PLCH1: variants seen among roughly 807,000 people sequenced by gnomAD.
PLCH1 encodes the protein 1-phosphatidylinositol 4,5-bisphosphate phosphodiesterase eta-1.
In PLCH1, 60 loss-of-function variants were observed where a neutral mutation model predicts 126.7. The observed-to-expected ratio is 0.47, with a 90% CI of 0.38 to 0.59. PLCH1 has a LOEUF of 0.59. Among genes scored for constraint, PLCH1 ranks in the 20% least tolerant of loss-of-function variants. The pLI is 0.00. For missense variants in PLCH1, 1,723 were observed against 2,040.0 expected, an observed-to-expected ratio of 0.84 and a Z score of 2.99; for synonymous variants, 719 against 734.9, an observed-to-expected ratio of 0.98 and a Z score of 0.35.
At chr3:155,564,157 T>C (rs1439730044) in intron 8 of PLCH1, among the ~76,000 whole-genome samples, 1 of 152,340 alleles carries the variant, frequency 6.6e-6, no homozygotes, top group African/African-American at 2.4e-5. Context: ...TACTAGACTG[T>C]GAACTCCCTG....
rs1577315669 is a variant in PLCH1, at chr3:155,683,935, G to A, written c.79+20211C>T. On this transcript the variant is annotated intron_variant, in intron 2 of 22. Transcript: ENST00000460012. ...TGGAAATGTCCAGAATAAATCCTAA[G>A]TGCTTGTATTCTCCAGCACTCCAGC... 2.6e-5 allele frequency among the ~76,000 whole-genome samples: 4 copies of A among 152,168 alleles called. No individual in the cohort carries two copies. In the South Asian group the frequency reaches 8.3e-4, roughly 32 times the overall value.
intron 2 of PLCH1, among the ~76,000 whole-genome samples, chr3:155,622,473 G>A (rs13085986): frequency 0.49 from 73,837 of 151,938 alleles, 20,327 homozygotes; most frequent in African/African-American, 0.74. Context: ...TGGCAAATTG[G>A]ATACTGAGTC....
intron 2 of PLCH1, among the ~76,000 whole-genome samples, chr3:155,642,115 T>C (rs1739466527): frequency 6.6e-6 from 1 of 152,168 alleles, no homozygotes; most frequent in South Asian, 2.1e-4. Flanking sequence ...TTTAATAATC[T>C]AAACAACCCT....
intron 22 of PLCH1, among the ~76,000 whole-genome samples, chr3:155,484,915 A>G (rs1714796841): frequency 6.6e-6 from 1 of 152,214 alleles, no homozygotes; most frequent in Non-Finnish European, 1.5e-5. Context: ...TTTTTGAAAA[A>G]GGTGGCTCGT....
intron 21 of PLCH1, among the ~76,000 whole-genome samples, chr3:155,455,044 C>A (rs1254068768): frequency 1.3e-5 from 2 of 152,208 alleles, no homozygotes; most frequent in African/African-American, 4.8e-5. Flanking sequence ...ATAAAACCAA[C>A]TAGTTTTCTT....
chr3:155,579,002 T>C (rs115846189), intron 6 of PLCH1, among the ~76,000 whole-genome samples: 173 of 152,248 alleles, frequency 1.1e-3, no homozygotes, highest in African/African-American at 4.1e-3. Flanking sequence ...AAATTCCCCA[T>C]TTACTGCCAT....
At position 155,737,330 on chromosome 3, in the gene PLCH1, T is replaced by C. The variant is rs1479900449; in HGVS notation, c.-41+7510A>G. On this transcript the variant is annotated intron_variant, in intron 1 of 22. Coordinates refer to ENST00000460012, the MANE Select transcript of PLCH1 (RefSeq NM_014996.4). ...AATTCTTGTGTATCCTTCTGAAGATTTTTTTCTTTTTTCTTTGTTGAGACA... is the reference window on the plus strand; with the variant it reads ...AATTCTTGTGTATCCTTCTGAAGATCTTTTTCTTTTTTCTTTGTTGAGACA... Among the ~76,000 whole-genome samples the C allele has an allele frequency of 2.5e-5, 3 of 119,472 alleles. No homozygotes were observed. The East Asian group carries it at 7.9e-4, about 31-fold the overall frequency. 78.4% of individuals were successfully genotyped at this position (119,472 alleles called of 152,430 possible).
At chr3:155,733,461 CA>C (rs1179107418) in intron 1 of PLCH1, among the ~76,000 whole-genome samples, 1 of 152,148 alleles carries the variant, frequency 6.6e-6, no homozygotes. Context: ...CATGAACACA[CA>C]ATGGGGAAAG....
chr3:155,658,309 T>G (rs1741680102), intron 2 of PLCH1: 1 of 199,148 alleles, frequency 5.0e-6, no homozygotes, highest in Non-Finnish European at 1.1e-5. Context: ...GATCTCTAGT[T>G]CTCAATCAAG....
At chr3:155,572,285 A>G (rs1034151116) in intron 6 of PLCH1, among the ~76,000 whole-genome samples, 7 of 152,128 alleles carry the variant, frequency 4.6e-5, no homozygotes, top group Admixed American at 3.3e-4. Flanking sequence ...TATTCCACAC[A>G]CACATTTGTT....
chr3:155,486,706 A>G (rs1053961094), intron 21 of PLCH1, among the ~76,000 whole-genome samples: 1 of 151,420 alleles, frequency 6.6e-6, no homozygotes, highest in Non-Finnish European at 1.5e-5. Flanking sequence ...TTGTATTTTT[A>G]GTAGAGACGG....
intron 10 of PLCH1, among the ~76,000 whole-genome samples, chr3:155,539,505 C>T (rs1723925608): frequency 6.6e-6 from 1 of 151,898 alleles, no homozygotes; most frequent in Admixed American, 6.6e-5. Context: ...CCTAGAAAAC[C>T]CTAAAGGCTC....
At chr3:155,492,084 G>A (rs1349951104) in intron 18 of PLCH1, among the ~76,000 whole-genome samples, 1 of 152,070 alleles carries the variant, frequency 6.6e-6, no homozygotes, top group African/African-American at 2.4e-5. Context: ...CCTTCCTTAA[G>A]ATCCAAAAAT....
intron 10 of PLCH1, among the ~76,000 whole-genome samples, chr3:155,526,358 T>G (rs1721890195): frequency 1.3e-5 from 2 of 152,026 alleles, no homozygotes; most frequent in Admixed American, 6.6e-5. Flanking sequence ...CAAACTTCTC[T>G]CCTTTCCTGG....
At chr3:155,738,508 G>T (rs1204600859) in intron 1 of PLCH1, among the ~76,000 whole-genome samples, 1 of 152,134 alleles carries the variant, frequency 6.6e-6, no homozygotes, top group East Asian at 1.9e-4. Flanking sequence ...GCGGGGCGGG[G>T]CGCAGTGGCT....
intron 2 of PLCH1, among the ~76,000 whole-genome samples, chr3:155,695,206 G>A (rs1316600996): frequency 6.6e-6 from 1 of 152,042 alleles, no homozygotes; most frequent in Non-Finnish European, 1.5e-5. Flanking sequence ...AACTCAAAAA[G>A]CCTTTTGAAA....
At chr3:155,711,595 C>T (rs370098395) in intron 1 of PLCH1, among the ~76,000 whole-genome samples, 5 of 152,120 alleles carry the variant, frequency 3.3e-5, no homozygotes, top group Non-Finnish European at 2.9e-5. Flanking sequence ...GCTGATTTTT[C>T]GCTCCTCTAG....
chr3:155,470,279 A>G (rs954317450), intron 21 of PLCH1, among the ~76,000 whole-genome samples: 37 of 152,352 alleles, frequency 2.4e-4, no homozygotes, highest in East Asian at 1.2e-3. Flanking sequence ...CGTGAAGAAT[A>G]CAGAAGCCTT....
chr3:155,696,032 G>GCT (rs1745765802), intron 2 of PLCH1, among the ~76,000 whole-genome samples: 1 of 152,162 alleles, frequency 6.6e-6, no homozygotes, highest in Non-Finnish European at 1.5e-5. Context: ...TAGGCAGATG[G>GCT]ACATCTGAGT....
Sources: gnomAD v4.1 joint callset for allele counts (sites outside exome capture counted in the v4.1 genomes callset) on GRCh38, gnomAD v4.1.1 for gene constraint, MANE v1.5 for transcripts, NCBI Gene and HGNC (gene_info 2026-07-23, HGNC 2026-07-21) for gene names.